Variants in RALGAPA1 observed in about 807,000 individuals in gnomAD.
RALGAPA1 encodes the protein Ral GTPase activating protein catalytic subunit alpha 1, also known as ral GTPase-activating protein subunit alpha-1.
In RALGAPA1, 52 loss-of-function variants were observed where a neutral mutation model predicts 269.6. That is an observed-to-expected ratio of 0.19 (90% CI 0.15 to 0.24). RALGAPA1 has a LOEUF of 0.24. Ranked by LOEUF, RALGAPA1 falls within the 10% of genes least tolerant of loss-of-function variation. The pLI, the probability that RALGAPA1 is intolerant of heterozygous loss-of-function variation, is 1.00. For missense variants in RALGAPA1, 1,917 were observed against 3,013.9 expected (o/e 0.64, Z 8.52); for synonymous variants, 817 against 1,008.3 (o/e 0.81, Z 3.60).
chr14:35,572,199 T>G (rs1436467855), intron 38 of RALGAPA1, among the ~76,000 whole-genome samples: 1 of 152,170 alleles, frequency 6.6e-6, no homozygotes, highest in African/African-American at 2.4e-5. Context: ...ACTAAAAATA[T>G]AGGAATCATA....
intron 26 of RALGAPA1, among the ~76,000 whole-genome samples, chr14:35,666,540 C>T (rs1450297108): frequency 1.3e-5 from 2 of 152,128 alleles, no homozygotes; most frequent in Non-Finnish European, 2.9e-5. Flanking sequence ...TGGGTATTTC[C>T]AACACCATCA....
chr14:35,648,162 T>C lies in RALGAPA1; in HGVS notation c.5676+3643A>G, dbSNP rs922960716. ...CCAAAAAAAAACTAGCAAGGTGTGG[T>C]GGCATGTGTCTGTAGTTCCAGCTAC... On this transcript the variant is annotated intron_variant, in intron 31 of 41. Transcript: ENST00000680220. Among the ~76,000 whole-genome samples, 4 of 148,876 alleles carry C rather than the reference T, an allele frequency of 2.7e-5. No homozygotes were observed. The Admixed American group carries it at 2.7e-4, about 10-fold the overall frequency.
At chr14:35,749,026 G>A (rs750192892) in intron 9 of RALGAPA1, among the ~76,000 whole-genome samples, 25 of 152,048 alleles carry the variant, frequency 1.6e-4, no homozygotes, top group Non-Finnish European at 1.5e-4. Context: ...CAACATCTAA[G>A]TGACAGATAC....
chr14:35,603,098 G>T (rs1047518686), intron 36 of RALGAPA1, among the ~76,000 whole-genome samples: 3 of 152,074 alleles, frequency 2.0e-5, no homozygotes, highest in African/African-American at 7.2e-5. Context: ...TGATCTATAT[G>T]TCTATCCTTG....
At chr14:35,649,207 T>C (rs1245458417) in intron 31 of RALGAPA1, among the ~76,000 whole-genome samples, 2 of 152,254 alleles carry the variant, frequency 1.3e-5, no homozygotes, top group Admixed American at 6.5e-5. Context: ...TGCTCTTTCC[T>C]GTATTCCTCA....
intron 31 of RALGAPA1, among the ~76,000 whole-genome samples, chr14:35,645,730 CAAAA>C (rs59715478): frequency 2.2e-5 from 2 of 91,856 alleles, no homozygotes; most frequent in Non-Finnish European, 2.5e-5. Flanking sequence ...ACTCCATCTC[CAAAA>C]AAAAAAAAAA....
intron 31 of RALGAPA1, among the ~76,000 whole-genome samples, chr14:35,642,011 A>G (rs1370330061): frequency 6.6e-6 from 1 of 152,220 alleles, no homozygotes; most frequent in Non-Finnish European, 1.5e-5. Flanking sequence ...CAGTCTCTTC[A>G]ATATATGGTG....
chr14:35,640,828 C>T (rs112288843), intron 31 of RALGAPA1, among the ~76,000 whole-genome samples: 3 of 152,230 alleles, frequency 2.0e-5, no homozygotes, highest in African/African-American at 4.8e-5. Context: ...CAAAAATCCT[C>T]GACAAAATAC....
intron 36 of RALGAPA1, among the ~76,000 whole-genome samples, chr14:35,603,577 C>T (rs1212367634): frequency 1.3e-5 from 2 of 151,936 alleles, no homozygotes; most frequent in African/African-American, 4.8e-5. Flanking sequence ...TCACAACAGC[C>T]AAGATATGGA....
intron 39 of RALGAPA1, among the ~76,000 whole-genome samples, chr14:35,564,688 T>A (rs2056554632): frequency 6.6e-6 from 1 of 152,308 alleles, no homozygotes; most frequent in South Asian, 2.1e-4. Context: ...TAAAGTATTC[T>A]TTTAAAATGC....
At position 35,678,088 on chromosome 14, in the gene RALGAPA1, A is replaced by G. The variant is rs1308581348; in HGVS notation, c.4486T>C (p.Ser1496Pro). ...VATITGSESASPVHSPLGSRS... is the reference protein window; with the variant it reads ...VATITGSESAPPVHSPLGSRS... ...GAGCCCAGAGGTGAGTGGACTGGGG[A>G]AGCACTTTCTGAACCTGTAAATATA... is the stretch of plus-strand genomic sequence containing the variant. Residue 1496 changes from serine to proline, a missense_variant, in exon 22 of 42, where the codon TCC (serine) becomes CCC (proline). Ser to Pro is a moderately conservative substitution (Grantham distance 74). This residue lies in a region of RALGAPA1 where 615 missense variants were observed against 790.0 expected (regional missense o/e 0.78). Transcript: ENST00000680220. 6 of 1,604,598 alleles carry G rather than the reference A, an allele frequency of 3.7e-6. No individual in the cohort carries two copies. Among genetic ancestry groups the G allele is most frequent in the Non-Finnish European group, 5.1e-6 (6 of 1,177,938 alleles).
intron 28 of RALGAPA1, among the ~76,000 whole-genome samples, 154 bp from the exon 29 acceptor site, chr14:35,656,069 G>A (rs2063156222): frequency 6.6e-6 from 1 of 152,152 alleles, no homozygotes; most frequent in East Asian, 1.9e-4. Context: ...AGAAGAGAAA[G>A]TATGAAGAAA....
At chr14:35,805,683 CT>C (rs760045509) in intron 1 of RALGAPA1, among the ~76,000 whole-genome samples, 1,620 of 135,416 alleles carry the variant, frequency 0.012, 6 homozygotes, top group Middle Eastern at 0.023. Context: ...TTTTCTTTTT[CT>C]TTTTTTTTTT....
chr14:35,699,164 T>A (rs1250945364), intron 17 of RALGAPA1, among the ~76,000 whole-genome samples: 1 of 152,184 alleles, frequency 6.6e-6, no homozygotes, highest in Non-Finnish European at 1.5e-5. Flanking sequence ...TCTAATTAAT[T>A]ATATTATGGT....
Position 35,694,211 on chromosome 14 carries a change from A to G in RALGAPA1, c.2408-4208T>C, listed in dbSNP as rs138381939. ...ATTTCTGAAATGAATCATAGAATCA[A>G]GGGCCAAAATCCCCTTTACTAAAGT... On this transcript the variant is annotated intron_variant, in intron 17 of 41. Transcript: ENST00000680220. Among the ~76,000 whole-genome samples the G allele has an allele frequency of 2.1e-3, 326 of 152,286 alleles. 4 individuals carry two copies. The highest frequency in any genetic ancestry group is 7.5e-3 in the African/African-American group (313 of 41,582).
At chr14:35,733,539 C>CA (rs1191186150) in intron 12 of RALGAPA1, among the ~76,000 whole-genome samples, 2 of 151,974 alleles carry the variant, frequency 1.3e-5, no homozygotes, top group African/African-American at 2.4e-5. Context: ...AATAATGACA[C>CA]AATCTATCAA....
At chr14:35,631,912 C>T (rs572526783) in intron 33 of RALGAPA1, among the ~76,000 whole-genome samples, 1 of 152,014 alleles carries the variant, frequency 6.6e-6, no homozygotes, top group Non-Finnish European at 1.5e-5. Context: ...TTCCCTAAAA[C>T]ATAAACCTCG....
intron 17 of RALGAPA1, among the ~76,000 whole-genome samples, chr14:35,696,029 G>A (rs1171358965): frequency 6.6e-6 from 1 of 152,158 alleles, no homozygotes; most frequent in Non-Finnish European, 1.5e-5. Flanking sequence ...TTATAGATGA[G>A]TCTGATGTTA....
chr14:35,594,183 G>T (rs950021870), intron 37 of RALGAPA1, among the ~76,000 whole-genome samples: 2 of 152,010 alleles, frequency 1.3e-5, no homozygotes, highest in South Asian at 4.1e-4. Context: ...AGAGGACATA[G>T]AAGAAAAGCT....
Sources: gnomAD v4.1 joint callset for allele counts (sites outside exome capture counted in the v4.1 genomes callset) on GRCh38, gnomAD v4.1.1 for gene constraint, gnomAD v4.1.1 regional missense constraint, MANE v1.5 for transcripts, NCBI Gene and HGNC (gene_info 2026-07-23, HGNC 2026-07-21) for gene names.